The following RANBP17 variants were observed in gnomAD, a reference collection of about 807,000 sequenced individuals.
The protein encoded by RANBP17 is RAN binding protein 17, also known as ran-binding protein 17.
A neutral mutation model predicts 141.2 loss-of-function variants in RANBP17; 158 were observed. The ratio of observed to expected loss-of-function variants is 1.12; its 90% CI spans 0.98 to 1.28. The LOEUF is 1.28. Ranked by LOEUF, RANBP17 falls within the 50% of genes most tolerant of loss-of-function variation. The pLI, the probability that RANBP17 is intolerant of heterozygous loss-of-function variation, is 0.00. For synonymous variants in RANBP17, 430 were observed against 450.0 expected (o/e 0.96, Z 0.56); for missense variants, 1,438 against 1,290.7 (o/e 1.11, Z -1.75).
At chr5:171,124,038 A>G (rs887395557) in intron 14 of RANBP17, among the ~76,000 whole-genome samples, 2 of 152,208 alleles carry the variant, frequency 1.3e-5, no homozygotes, top group African/African-American at 4.8e-5. Flanking sequence ...CCAAAAAAAG[A>G]AAATCTGTAA....
At chr5:171,038,921 CT>C (rs751874532) in intron 14 of RANBP17, among the ~76,000 whole-genome samples, 3 of 151,900 alleles carry the variant, frequency 2.0e-5, no homozygotes, top group African/African-American at 7.3e-5. Context: ...TTGTAGTTTT[CT>C]TTTTTCATTG....
At chr5:171,076,434 C>G (rs1398852854) in intron 14 of RANBP17, among the ~76,000 whole-genome samples, 1 of 152,142 alleles carries the variant, frequency 6.6e-6, no homozygotes, top group Non-Finnish European at 1.5e-5. Context: ...TATCCTAGCT[C>G]CATCCACTGA....
At chr5:171,029,067 G>T in intron 14 of RANBP17, 1 of 419,012 alleles carries the variant, frequency 2.4e-6, no homozygotes, top group Middle Eastern at 3.9e-4. Flanking sequence ...AACTCACTCA[G>T]CATCAGTCAG....
intron 14 of RANBP17, among the ~76,000 whole-genome samples, chr5:171,089,667 C>G (rs539807642): frequency 6.6e-6 from 1 of 152,152 alleles, no homozygotes; most frequent in Non-Finnish European, 1.5e-5. Flanking sequence ...CGTGGTGCGC[C>G]GTTTTTTAAG....
At chr5:170,931,179 T>TC (rs1335589473) in intron 12 of RANBP17, among the ~76,000 whole-genome samples, 1 of 152,260 alleles carries the variant, frequency 6.6e-6, no homozygotes, top group Non-Finnish European at 1.5e-5. Context: ...GAGCATTTTT[T>TC]CATATGTCTG....
intron 14 of RANBP17, among the ~76,000 whole-genome samples, chr5:171,071,847 C>T (rs1301766369): frequency 2.6e-5 from 4 of 151,890 alleles, no homozygotes; most frequent in Non-Finnish European, 4.4e-5. Flanking sequence ...ACCAAAAACA[C>T]AACTCATTAA....
chr5:171,071,113 C>G (rs1354400363), intron 14 of RANBP17, among the ~76,000 whole-genome samples: 4 of 152,044 alleles, frequency 2.6e-5, no homozygotes, highest in Non-Finnish European at 5.9e-5. Context: ...CAATTTGTAC[C>G]TAACCAGCAA....
chr5:170,862,049 C>G lies in RANBP17; in HGVS notation c.16C>G (p.Gln6Glu). The G allele has an allele frequency of 3.4e-6, 5 of 1,464,004 alleles. No homozygotes were observed. The highest frequency in any genetic ancestry group is 4.7e-4 in the Middle Eastern group (2 of 4,264). The allele number at this position is 1,464,004 out of a possible 1,614,324, so 90.7% of individuals were successfully genotyped here. MALHF[Q>E]SLAELEVLCT... The stretch of plus-strand genomic sequence containing the variant: ...TCCTGGGAAGATGGCGCTGCACTTC[C>G]AGGTCAGTGTGCTCTGCGCCGCGGG... Residue 6 changes from glutamine to glutamate, a missense_variant and splice_region_variant, in exon 1 of 28, where the codon CAG (glutamine) becomes GAG (glutamate). Physicochemically the swap from Gln to Glu is conservative, Grantham distance 29. Transcript: ENST00000523189.
At chr5:171,084,037 T>A in intron 14 of RANBP17, among the ~76,000 whole-genome samples, 1 of 150,506 alleles carries the variant, frequency 6.6e-6, no homozygotes, top group Non-Finnish European at 1.5e-5. Context: ...TGTATACATG[T>A]GCCATGCTGG....
chr5:170,989,465 T>A (rs934041086), intron 14 of RANBP17, among the ~76,000 whole-genome samples: 2 of 151,810 alleles, frequency 1.3e-5, no homozygotes, highest in Non-Finnish European at 3.0e-5. Context: ...CCTGCAAAAC[T>A]GAATGAGGAA....
At position 171,292,859 on chromosome 5, in the gene RANBP17, A is replaced by G. The variant is rs547038952; in HGVS notation, c.2944-1024A>G. 2.6e-5 allele frequency among the ~76,000 whole-genome samples: 4 copies of G among 152,270 alleles called. No individual in the cohort carries two copies. In the South Asian group the frequency reaches 8.3e-4, roughly 32 times the overall value. On this transcript the variant is annotated intron_variant, in intron 25 of 27. Transcript: ENST00000523189. ...GAGATCTTTCTTAAATGCAAATCAG[A>G]GCATGTCTCATCTGTGCTGCAAACA...
chr5:171,065,728 C>G (rs1179522799), intron 14 of RANBP17, among the ~76,000 whole-genome samples: 2 of 152,008 alleles, frequency 1.3e-5, no homozygotes, highest in Admixed American at 6.6e-5. Flanking sequence ...ATAGCTTATT[C>G]TTGTGCCAGT....
intron 14 of RANBP17, among the ~76,000 whole-genome samples, chr5:170,982,085 T>C (rs1291770829): frequency 6.6e-6 from 1 of 152,212 alleles, no homozygotes; most frequent in Non-Finnish European, 1.5e-5. Flanking sequence ...AATAAGACAC[T>C]GGACTGAAAA....
chr5:170,977,055 A>G (rs549786540), intron 14 of RANBP17, among the ~76,000 whole-genome samples: 1 of 152,122 alleles, frequency 6.6e-6, no homozygotes, highest in African/African-American at 2.4e-5. Context: ...TGAAAGCGCA[A>G]CCTACAAAAA....
At chr5:171,006,038 A>G (rs191813374) in intron 14 of RANBP17, among the ~76,000 whole-genome samples, 2 of 152,128 alleles carry the variant, frequency 1.3e-5, no homozygotes, top group Non-Finnish European at 2.9e-5. Flanking sequence ...AATCAAAACC[A>G]CAATGAGATA....
chr5:170,887,612 G>T (rs765219304), intron 3 of RANBP17, among the ~76,000 whole-genome samples: 1 of 152,050 alleles, frequency 6.6e-6, no homozygotes, highest in Non-Finnish European at 1.5e-5. Context: ...GAGATCAATT[G>T]ACTGTATTTA....
chr5:170,886,410 G>T (rs1341252626), intron 3 of RANBP17, among the ~76,000 whole-genome samples: 1 of 152,082 alleles, frequency 6.6e-6, no homozygotes, highest in Admixed American at 6.6e-5. Context: ...TCCCTTCAAG[G>T]CTAGGAGATT....
At chr5:171,191,407 G>C (rs949644778) in intron 18 of RANBP17, among the ~76,000 whole-genome samples, 1 of 152,162 alleles carries the variant, frequency 6.6e-6, no homozygotes, top group African/African-American at 2.4e-5. Context: ...GAGGTTCAGA[G>C]GCCGGGCGCA....
chr5:170,901,637 A>AT (rs1322783532), intron 5 of RANBP17, among the ~76,000 whole-genome samples: 1 of 152,140 alleles, frequency 6.6e-6, no homozygotes, highest in African/African-American at 2.4e-5. Context: ...ACAATTTGGT[A>AT]TGTTTTTGCA....
Sources: gnomAD v4.1 joint callset for allele counts (sites outside exome capture counted in the v4.1 genomes callset) on GRCh38, gnomAD v4.1.1 for gene constraint, MANE v1.5 for transcripts, NCBI Gene and HGNC (gene_info 2026-07-23, HGNC 2026-07-21) for gene names.